The following PTPN9 variants were observed in gnomAD, a reference collection of about 807,000 sequenced individuals.
The protein encoded by PTPN9 is protein tyrosine phosphatase non-receptor type 9, also known as tyrosine-protein phosphatase non-receptor type 9.
Under a neutral mutation model 69.8 loss-of-function variants are expected in PTPN9, and 26 were observed. The observed-to-expected ratio is 0.37, with a 90% CI of 0.27 to 0.52. The LOEUF (loss-of-function observed/expected upper bound fraction) is 0.52. Ranked by LOEUF, PTPN9 falls within the 20% of genes least tolerant of loss-of-function variation. The pLI is 0.91. For missense variants in PTPN9, 549 were observed against 740.3 expected, an observed-to-expected ratio of 0.74 and a Z score of 3.00; for synonymous variants, 274 against 272.5, an observed-to-expected ratio of 1.01 and a Z score of -0.05.
chr15:75,560,454 TAAAACTG>T (rs1451835805), intron 1 of PTPN9, among the ~76,000 whole-genome samples: 2 of 152,142 alleles, frequency 1.3e-5, no homozygotes, highest in East Asian at 3.8e-4. Context: ...CATTCCCAAA[TAAAACTG>T]TTTAATTGTC....
chr15:75,559,146 G>A (rs1176964249), intron 1 of PTPN9, among the ~76,000 whole-genome samples: 9 of 151,516 alleles, frequency 5.9e-5, no homozygotes, highest in Admixed American at 2.0e-4. Context: ...CCGCCGCCCC[G>A]TCTGGGATGT....
intron 1 of PTPN9, among the ~76,000 whole-genome samples, chr15:75,567,838 T>C (rs1186432184): frequency 6.7e-6 from 1 of 148,682 alleles, no homozygotes; most frequent in East Asian, 2.0e-4. Flanking sequence ...CTATTAAAAA[T>C]ACAAAAAATT....
intron 4 of PTPN9, among the ~76,000 whole-genome samples, 155 bp from the exon 5 acceptor site, chr15:75,517,519 A>G (rs2074876765): frequency 6.6e-6 from 1 of 152,226 alleles, no homozygotes; most frequent in South Asian, 2.1e-4. Context: ...AAGATCTCTT[A>G]TCTTTGGTAT....
Position 75,564,574 on chromosome 15 carries a change from G to A in PTPN9, c.63+14140C>T, listed in dbSNP as rs976134477. Among the ~76,000 whole-genome samples the A allele has an allele frequency of 4.1e-5, 6 of 146,334 alleles. No homozygotes were observed. The South Asian group carries it at 8.6e-4, about 21-fold the overall frequency. On this transcript the variant is annotated intron_variant, in intron 1 of 12. Transcript: ENST00000618819. ...TCGCGCCACTGACTCCAGCCTGGCC[G>A]ACAGAGTGAGACTACGTCTCAAAAA...
At chr15:75,487,669 G>A (rs1351801307) in intron 8 of PTPN9, 2 of 152,224 alleles carry the variant, frequency 1.3e-5, no homozygotes, top group Non-Finnish European at 2.9e-5. Context: ...GATGATCTCA[G>A]CAGTACTGAT....
intron 1 of PTPN9, among the ~76,000 whole-genome samples, chr15:75,530,260 G>A (rs2074949276): frequency 7.1e-6 from 1 of 141,690 alleles, no homozygotes; most frequent in Non-Finnish European, 1.5e-5. Flanking sequence ...GGGAGGGCTA[G>A]GCACGGTGGC....
chr15:75,527,277 A>G lies in PTPN9; in HGVS notation c.64-16T>C, dbSNP rs756979556. The G allele has an allele frequency of 1.9e-6, 3 of 1,613,134 alleles. No individual in the cohort carries two copies. The highest frequency in any genetic ancestry group is 4.5e-5 in the East Asian group (2 of 44,884). ...GCTTGGTAGCCTGTTTGACAAAGAA[A>G]GAAAGAATAATTAGTAAGAAGAGAG... On this transcript the variant is annotated splice_polypyrimidine_tract_variant and intron_variant, in intron 1 of 12. Transcript: ENST00000618819.
intron 9 of PTPN9, among the ~76,000 whole-genome samples, chr15:75,478,975 G>A (rs1239986287): frequency 1.3e-5 from 2 of 152,238 alleles, no homozygotes; most frequent in South Asian, 4.1e-4. Context: ...GTCAGGAAGA[G>A]TACTAGGATC....
chr15:75,502,231 G>A (rs1455391349), intron 7 of PTPN9, among the ~76,000 whole-genome samples: 3 of 152,152 alleles, frequency 2.0e-5, no homozygotes, highest in Non-Finnish European at 4.4e-5. Flanking sequence ...CAGATCACCT[G>A]AGGTCAGGAG....
At position 75,552,253 on chromosome 15, in the gene PTPN9, G is replaced by A. The variant is rs1337425103; in HGVS notation, c.64-24992C>T. ...ATCTCTACTAAAAAAAAAAAAAGTA[G>A]AAAATTAACGGGGCATGGTGGCGCA... On this transcript the variant is annotated intron_variant, in intron 1 of 12. Coordinates refer to ENST00000618819, the MANE Select transcript of PTPN9 (RefSeq NM_002833.4). Among the ~76,000 whole-genome samples the A allele has an allele frequency of 3.0e-4, 45 of 149,386 alleles. No homozygotes were observed. In the South Asian group the frequency reaches 9.1e-3, roughly 30 times the overall value.
chr15:75,541,283 C>T (rs2141330477), intron 1 of PTPN9, among the ~76,000 whole-genome samples: 1 of 150,952 alleles, frequency 6.6e-6, no homozygotes, highest in Non-Finnish European at 1.5e-5. Flanking sequence ...GATAGGGTCT[C>T]ACCAGCCGAG....
chr15:75,576,975 T>C (rs1268253245), intron 1 of PTPN9, among the ~76,000 whole-genome samples: 2 of 152,128 alleles, frequency 1.3e-5, no homozygotes, highest in Non-Finnish European at 2.9e-5. Context: ...TAATATTTTG[T>C]AGAAAAAAGA....
intron 1 of PTPN9, among the ~76,000 whole-genome samples, chr15:75,546,162 C>T (rs931010027): frequency 6.6e-6 from 1 of 152,130 alleles, no homozygotes; most frequent in Non-Finnish European, 1.5e-5. Flanking sequence ...AATGACAGCA[C>T]ATCCCAAAAT....
At chr15:75,530,128 G>A (rs2074948082) in intron 1 of PTPN9, among the ~76,000 whole-genome samples, 1 of 147,354 alleles carries the variant, frequency 6.8e-6, no homozygotes, top group Admixed American at 7.0e-5. Flanking sequence ...CTTGAACCAG[G>A]AGGTGGGGTT....
At chr15:75,478,892 T>C (rs1237775775) in intron 9 of PTPN9, among the ~76,000 whole-genome samples, 1 of 152,242 alleles carries the variant, frequency 6.6e-6, no homozygotes, top group Non-Finnish European at 1.5e-5. Context: ...TGATGGTCTG[T>C]TGTCTTTCTG....
chr15:75,504,138 C>T lies in PTPN9; in HGVS notation c.968+1537G>A, dbSNP rs536872154. On this transcript the variant is annotated intron_variant, in intron 7 of 12. Coordinates refer to ENST00000618819, the MANE Select transcript of PTPN9 (RefSeq NM_002833.4). ...TCCGGGAGGGAGGTGGGGAGGTCAG[C>T]CCCCCGCCCGGACAGCCGCCCCGTC... 6.3e-5 allele frequency among the ~76,000 whole-genome samples: 8 copies of T among 126,414 alleles called. No homozygotes were observed. The South Asian group carries it at 2.1e-3, about 33-fold the overall frequency. The allele number at this position is 126,414 out of a possible 152,430, so 82.9% of individuals were successfully genotyped here.
Position 75,535,885 on chromosome 15 carries a change from A to C in PTPN9, c.64-8624T>G, listed in dbSNP as rs180753778. Among the ~76,000 whole-genome samples, 5 of 152,260 alleles carry C rather than the reference A, an allele frequency of 3.3e-5. No homozygotes were observed. In the East Asian group the frequency reaches 9.7e-4, roughly 29 times the overall value. ...GATGAATTTCCAAACTAAAACTACG[A>C]TTTTTCCATAAGCACTTTGTTAATG... is the stretch of plus-strand genomic sequence containing the variant. On this transcript the variant is annotated intron_variant, in intron 1 of 12. Transcript: ENST00000618819.
Position 75,487,273 on chromosome 15 carries a change from A to G in PTPN9, c.1062+2935T>C, listed in dbSNP as rs1289407497. On this transcript the variant is annotated intron_variant, in intron 8 of 12. Transcript: ENST00000618819. ...ATTCCATGAGAGTGTTAAGTCCCCA[A>G]AGCTAAGTAAATAATTTTTTTTTTT... The G allele has an allele frequency of 2.0e-5, 3 of 152,028 alleles. No individual in the cohort carries two copies. In the East Asian group the frequency reaches 5.8e-4, roughly 29 times the overall value. 9.4% of individuals were successfully genotyped at this position (152,028 alleles called of 1,614,324 possible).
In PTPN9 at chr15:75,465,560, A is replaced by G. The variant is rs1007495778; in HGVS notation, c.*3209T>C. 8 of 152,152 alleles carry G rather than the reference A, an allele frequency of 5.3e-5. No homozygotes were observed. Among genetic ancestry groups the G allele is most frequent in the African/African-American group, 1.2e-4 (5 of 41,436 alleles). The allele number at this position is 152,152 out of a possible 1,614,324, so 9.4% of individuals were successfully genotyped here. The stretch of plus-strand genomic sequence containing the variant: ...TTCACGCTGGTAAAAGCTACAAACA[A>G]TGGCAGTGGGAGGAGTTCCTCTGAG... On this transcript the variant is annotated 3_prime_UTR_variant, in exon 13 of 13. Coordinates refer to ENST00000618819, the MANE Select transcript of PTPN9 (RefSeq NM_002833.4).
Sources: gnomAD v4.1 joint callset for allele counts (sites outside exome capture counted in the v4.1 genomes callset) on GRCh38, gnomAD v4.1.1 for gene constraint, MANE v1.5 for transcripts, NCBI Gene and HGNC (gene_info 2026-07-23, HGNC 2026-07-21) for gene names.